CHLSN: variants seen among roughly 807,000 people sequenced by gnomAD.
CHLSN encodes the protein protein cholesin.
chr7:1,029,930 C>T, the CHLSN span, among the ~76,000 whole-genome samples: 3 of 152,176 alleles, frequency 2.0e-5, no homozygotes, highest in Admixed American at 2.0e-4. Flanking sequence ...CTGGTGGACA[C>T]GAGGAGGCCA....
At chr7:1,029,711 G>C in the CHLSN span, among the ~76,000 whole-genome samples, 1 of 149,572 alleles carries the variant, frequency 6.7e-6, no homozygotes, top group Non-Finnish European at 1.5e-5. Flanking sequence ...CTCTGGTCGC[G>C]GGGCCCTGCT....
chr7:1,105,225 T>C, the CHLSN span, among the ~76,000 whole-genome samples: 2 of 152,344 alleles, frequency 1.3e-5, no homozygotes, highest in South Asian at 4.1e-4. Context: ...AAACGTATAC[T>C]GTGACCAGCA....
chr7:1,031,399 C>T, the CHLSN span, among the ~76,000 whole-genome samples: 7 of 111,068 alleles, frequency 6.3e-5, no homozygotes, highest in Non-Finnish European at 8.9e-5. Context: ...TCCGGGGGGG[C>T]AGAGACCTGC....
chr7:1,112,993 G>A, the CHLSN span, among the ~76,000 whole-genome samples: 1 of 152,178 alleles, frequency 6.6e-6, no homozygotes, highest in South Asian at 2.1e-4. Context: ...GATGAATAAG[G>A]GTCTATAAAG....
chr7:995,277 G>A, the CHLSN span, among the ~76,000 whole-genome samples: 16 of 152,296 alleles, frequency 1.1e-4, no homozygotes, highest in South Asian at 2.1e-4. Flanking sequence ...GCCACCCTTC[G>A]GCATCTTTCG....
chr7:1,032,566 G>A, the CHLSN span, among the ~76,000 whole-genome samples: 5 of 148,534 alleles, frequency 3.4e-5, no homozygotes, highest in East Asian at 2.0e-4. Flanking sequence ...GCAGCCACCC[G>A]CCCACACCGC....
At chr7:1,031,398 G>A in the CHLSN span, among the ~76,000 whole-genome samples, 1 of 136,626 alleles carries the variant, frequency 7.3e-6, no homozygotes, top group Non-Finnish European at 1.6e-5. Flanking sequence ...GTCCGGGGGG[G>A]CAGAGACCTG....
the CHLSN span, chr7:988,223 C>G: frequency 2.0e-6 from 3 of 1,530,098 alleles, no homozygotes. Context: ...CCAACCCAGG[C>G]CCCATCCCAT....
the CHLSN span, among the ~76,000 whole-genome samples, chr7:992,665 C>G: frequency 2.0e-5 from 3 of 152,238 alleles, no homozygotes; most frequent in African/African-American, 7.2e-5. Flanking sequence ...AGGCTGGAAG[C>G]CGGCCTCACT....
the CHLSN span, chr7:1,057,969 TG>T: frequency 1.3e-6 from 1 of 771,402 alleles, no homozygotes. Context: ...CGGCTTCGTG[TG>T]GGGTGGCGCG....
the CHLSN span, among the ~76,000 whole-genome samples, chr7:1,126,448 G>A: frequency 2.6e-5 from 4 of 151,948 alleles, no homozygotes; most frequent in African/African-American, 7.3e-5. Flanking sequence ...GGAGGCCGAG[G>A]TGGGTGGATC....
the CHLSN span, among the ~76,000 whole-genome samples, chr7:1,001,774 T>G: frequency 3.3e-4 from 13 of 39,462 alleles, no homozygotes; most frequent in East Asian, 7.5e-4. Flanking sequence ...TGCGGGTGAG[T>G]GGAGTCCTGT....
the CHLSN span, among the ~76,000 whole-genome samples, chr7:1,111,242 A>T: frequency 6.6e-6 from 1 of 152,254 alleles, no homozygotes; most frequent in Non-Finnish European, 1.5e-5. Flanking sequence ...ATTTAAAATA[A>T]ATAAATAAAA....
At chr7:1,002,796 G>A in the CHLSN span, among the ~76,000 whole-genome samples, 1 of 81,780 alleles carries the variant, frequency 1.2e-5, no homozygotes, top group Admixed American at 1.0e-4. Flanking sequence ...CTGTGGGTGA[G>A]TGGAGTCCTG....
the CHLSN span, among the ~76,000 whole-genome samples, chr7:1,016,475 G>C: frequency 8.3e-6 from 1 of 120,022 alleles, no homozygotes; most frequent in Non-Finnish European, 1.7e-5. Context: ...GCACATAGCA[G>C]CACAGCAGCA....
the CHLSN span, among the ~76,000 whole-genome samples, chr7:1,016,787 A>AGCG: frequency 1.3e-5 from 1 of 78,810 alleles, no homozygotes; most frequent in Admixed American, 1.2e-4. Flanking sequence ...AGCGCACAGC[A>AGCG]CACAGCAGCA....
At chr7:1,043,269 T>C in the CHLSN span, 1 of 152,192 alleles carries the variant, frequency 6.6e-6, no homozygotes. Context: ...ACCTATCTCA[T>C]TGACGCTAAG....
chr7:980,726 T>C, the CHLSN span, among the ~76,000 whole-genome samples: 16,691 of 146,410 alleles, frequency 0.11, 1,239 homozygotes, highest in East Asian at 0.23. Flanking sequence ...CTCACTCTGT[T>C]GCCCAGGCTG....
chr7:1,136,571 C>CATAT, the CHLSN span, among the ~76,000 whole-genome samples: 2 of 27,252 alleles, frequency 7.3e-5, no homozygotes, highest in African/African-American at 2.2e-4. Flanking sequence ...AACATATAAA[C>CATAT]ATAAACATAT....
Sources: gnomAD v4.1 joint callset for allele counts (sites outside exome capture counted in the v4.1 genomes callset) on GRCh38, gnomAD v4.1.1 for gene constraint, MANE v1.5 for transcripts, NCBI Gene and HGNC (gene_info 2026-07-23, HGNC 2026-07-21) for gene names.